Variants in PPP2R2B observed in about 807,000 individuals in gnomAD.
PPP2R2B encodes protein phosphatase 2 regulatory subunit Bbeta.
Under a neutral mutation model 46.0 loss-of-function variants are expected in PPP2R2B, and 5 were observed. The observed-to-expected ratio is 0.11, with a 90% CI of 0.06 to 0.23. PPP2R2B has a LOEUF of 0.23. Among genes scored for constraint, PPP2R2B ranks in the 10% least tolerant of loss-of-function variants. The probability of loss-of-function intolerance (pLI) is 1.00; values close to 1 mark genes in which losing one functional copy is unlikely to be tolerated. For missense variants in PPP2R2B, 367 were observed against 575.0 expected (o/e 0.64, Z 3.70); for synonymous variants, 215 against 206.7 (o/e 1.04, Z -0.34).
chr5:146,919,562 GA>G (rs1763517935), intron 1 of PPP2R2B: 1 of 152,212 alleles, frequency 6.6e-6, no homozygotes, highest in Admixed American at 6.5e-5. Context: ...CAGAGCAACA[GA>G]CCACCCAGCT....
At chr5:146,942,773 T>A (rs968532176) in intron 1 of PPP2R2B, among the ~76,000 whole-genome samples, 1 of 152,136 alleles carries the variant, frequency 6.6e-6, no homozygotes, top group African/African-American at 2.4e-5. Context: ...GGCATTTCTT[T>A]ATTCTTAGGT....
intron 6 of PPP2R2B, among the ~76,000 whole-genome samples, chr5:146,641,205 C>T (rs532538528): frequency 2.6e-5 from 4 of 152,172 alleles, no homozygotes; most frequent in Admixed American, 6.5e-5. Context: ...ATTTTACAGC[C>T]GAGGGAACTC....
At chr5:147,036,009 A>T (rs10077327) in intron 1 of PPP2R2B, among the ~76,000 whole-genome samples, 108,537 of 152,014 alleles carry the variant, frequency 0.71, 39,300 homozygotes, top group South Asian at 0.8. Flanking sequence ...AAAATTTCCA[A>T]CTTTTATTTT....
chr5:147,031,304 C>T (rs1420904315), intron 1 of PPP2R2B, among the ~76,000 whole-genome samples: 2 of 152,092 alleles, frequency 1.3e-5, no homozygotes, highest in African/African-American at 2.4e-5. Flanking sequence ...TCAAGAGTGG[C>T]AGTTGGCTCC....
intron 2 of PPP2R2B, among the ~76,000 whole-genome samples, chr5:146,735,805 T>A (rs916669708): frequency 2.0e-5 from 3 of 152,232 alleles, no homozygotes; most frequent in African/African-American, 7.2e-5. Flanking sequence ...TCCTACCTGA[T>A]GACACTGGAA....
At chr5:147,054,477 C>T (rs1756977187) in intron 1 of PPP2R2B, 1 of 293,862 alleles carries the variant, frequency 3.4e-6, no homozygotes, top group Non-Finnish European at 7.0e-6. Context: ...AGGGAAATGT[C>T]CAACTGTAAA....
chr5:147,051,245 C>G (rs996077519), intron 1 of PPP2R2B, among the ~76,000 whole-genome samples: 1 of 152,180 alleles, frequency 6.6e-6, no homozygotes, highest in Non-Finnish European at 1.5e-5. Flanking sequence ...TACCACTTCA[C>G]TAGCTGTGGT....
chr5:146,835,886 T>C (rs1433105301), intron 2 of PPP2R2B, among the ~76,000 whole-genome samples: 1 of 152,186 alleles, frequency 6.6e-6, no homozygotes, highest in East Asian at 1.9e-4. Context: ...TTGGACATTA[T>C]GCTAATTAGA....
intron 1 of PPP2R2B, among the ~76,000 whole-genome samples, chr5:146,957,860 A>G (rs1051773271): frequency 4.6e-5 from 7 of 152,184 alleles, no homozygotes; most frequent in Admixed American, 2.0e-4. Context: ...CACAGTTTTC[A>G]GTCTCACGTA....
At chr5:146,803,087 C>T (rs984291904) in intron 2 of PPP2R2B, among the ~76,000 whole-genome samples, 1 of 152,182 alleles carries the variant, frequency 6.6e-6, no homozygotes, top group Non-Finnish European at 1.5e-5. Context: ...GCTCCAAATG[C>T]TACTTCTCTC....
intron 3 of PPP2R2B, among the ~76,000 whole-genome samples, chr5:146,698,748 C>CT (rs3217532): frequency 0.02 from 2,870 of 143,044 alleles, 24 homozygotes; most frequent in Non-Finnish European, 0.029. Context: ...GCCCCTGCTC[C>CT]TTTTTTTTTT....
chr5:146,741,452 G>C (rs1042237088), intron 2 of PPP2R2B, among the ~76,000 whole-genome samples: 2 of 152,064 alleles, frequency 1.3e-5, no homozygotes, highest in South Asian at 2.1e-4. Context: ...TAAAAATCCC[G>C]CCTTTCTAGG....
intron 1 of PPP2R2B, among the ~76,000 whole-genome samples, chr5:147,002,104 C>T (rs747052546): frequency 3.9e-5 from 6 of 152,122 alleles, no homozygotes; most frequent in African/African-American, 7.2e-5. Context: ...AGGCTAGTCC[C>T]GCTTCTAAAA....
chr5:146,840,832 G>A (rs1162828597), intron 2 of PPP2R2B, among the ~76,000 whole-genome samples: 2 of 152,202 alleles, frequency 1.3e-5, no homozygotes, highest in Non-Finnish European at 2.9e-5. Flanking sequence ...TCTGTAATGT[G>A]TGAGACATTG....
rs138560571 is a variant in PPP2R2B at position 146,698,537 on chromosome 5, C to T, written c.169-393G>A. The stretch of plus-strand genomic sequence containing the variant: ...GAGTGAGTCATCCCACAGTGGCATT[C>T]GTAAATACTTACATCGACCCCTTAA... On this transcript the variant is annotated intron_variant, in intron 3 of 9. Transcript: ENST00000394411. 4.0e-3 allele frequency among the ~76,000 whole-genome samples: 600 copies of T among 151,754 alleles called. 4 individuals carry two copies. Among genetic ancestry groups the T allele is most frequent in the African/African-American group, 0.014 (565 of 41,402 alleles).
At position 146,728,871 on chromosome 5, in the gene PPP2R2B, T is replaced by C. The variant is rs35979783; in HGVS notation, c.71-27729A>G. Among the ~76,000 whole-genome samples the C allele has an allele frequency of 6.4e-3, 975 of 152,290 alleles. 6 individuals are homozygous for C. Among genetic ancestry groups the C allele is most frequent in the African/African-American group, 0.022 (932 of 41,560 alleles). On this transcript the variant is annotated intron_variant, in intron 2 of 9. Transcript: ENST00000394411. ...GGAACCATATAAGTCCAATTAAACC[T>C]CTTTTTATTTCCAGTCTCAGGTATG...
intron 2 of PPP2R2B, among the ~76,000 whole-genome samples, chr5:146,870,319 A>C (rs1057264875): frequency 2.0e-5 from 3 of 152,184 alleles, no homozygotes; most frequent in African/African-American, 4.8e-5. Context: ...TAAGGAGATA[A>C]TTAAGATTAA....
chr5:147,080,171 A>C (rs1317308983), intron 2 of PPP2R2B, among the ~76,000 whole-genome samples: 1 of 152,176 alleles, frequency 6.6e-6, no homozygotes, highest in Non-Finnish European at 1.5e-5. Context: ...CTCAGAATTG[A>C]AGTGCTGCAG....
intron 2 of PPP2R2B, among the ~76,000 whole-genome samples, chr5:147,077,157 T>A (rs1320411656): frequency 1.4e-5 from 2 of 146,150 alleles, no homozygotes; most frequent in Non-Finnish European, 3.0e-5. Context: ...ATATTGTATA[T>A]TGTATATTAT....
Sources: gnomAD v4.1 joint callset for allele counts (sites outside exome capture counted in the v4.1 genomes callset) on GRCh38, gnomAD v4.1.1 for gene constraint, MANE v1.5 for transcripts, NCBI Gene and HGNC (gene_info 2026-07-23, HGNC 2026-07-21) for gene names.